Variants in POLD1 observed in about 807,000 individuals in gnomAD.
The protein encoded by POLD1 is DNA polymerase delta catalytic subunit.
In POLD1, 79 loss-of-function variants were observed where a neutral mutation model predicts 129.7. The observed-to-expected ratio is 0.61, with a 90% confidence interval of 0.51 to 0.73. The LOEUF is 0.73. Among genes scored for constraint, POLD1 ranks in the 30% least tolerant of loss-of-function variants. POLD1 has a pLI of 0.00. For missense variants in POLD1, 1,338 were observed against 1,595.8 expected, an observed-to-expected ratio of 0.84 and a Z score of 2.75; for synonymous variants, 714 against 683.3, an observed-to-expected ratio of 1.04 and a Z score of -0.70.
chr19:50,416,331 C>T (rs2039288400), intron 22 of POLD1, 65 bp from the exon 23 acceptor site: 2 of 1,521,372 alleles, frequency 1.3e-6, no homozygotes, highest in Non-Finnish European at 1.8e-6. Flanking sequence ...GGCCCCATGA[C>T]CACCCCGTGT....
Position 50,413,815 on chromosome 19 carries a change from G to C in POLD1, c.2324G>C (p.Gly775Ala), listed in dbSNP as rs2122449363. The C allele has an allele frequency of 3.7e-6, 6 of 1,612,538 alleles. No homozygotes were observed. The highest frequency in any genetic ancestry group is 3.4e-6 in the Non-Finnish European group (4 of 1,179,596). Residue 775 changes from glycine (G) to alanine (A), a missense_variant, in exon 19 of 27, where the codon GGG becomes GCG. By Grantham distance (60) the Gly-to-Ala change is moderately conservative. Transcript: ENST00000440232. ...VSSVAEAMALGREAADWVSGH... is the reference protein window; with the variant it reads ...VSSVAEAMALAREAADWVSGH... ...TCGGTGGCTGAGGCGATGGCCCTGG[G>C]GCGGGAGGCCGCGGACTGGGTGTCA...
chr19:50,385,107 G>C (rs977036402), intron 1 of POLD1, among the ~76,000 whole-genome samples: 2 of 152,210 alleles, frequency 1.3e-5, no homozygotes, highest in African/African-American at 2.4e-5. Flanking sequence ...GGAGCCGTGG[G>C]AGGGTTTGAG....
intron 17 of POLD1, among the ~76,000 whole-genome samples, chr19:50,412,019 T>C (rs1296907163): frequency 6.6e-6 from 1 of 152,222 alleles, no homozygotes; most frequent in Non-Finnish European, 1.5e-5. Flanking sequence ...TGGTAGCTCA[T>C]GCCTGTAGTT....
chr19:50,409,453 C>T lies in POLD1; in HGVS notation c.2007-66C>T, dbSNP rs982644058. The stretch of plus-strand genomic sequence containing the variant: ...GCCCAACCGTACATGGCACTCACTT[C>T]CAGAAAGGAGCCCTGACCAATGCCC... On this transcript the variant is annotated intron_variant, in intron 16 of 26. Transcript: ENST00000440232. This position sits in a 1 kb window ranked among gnomAD's most constrained non-coding sequence, Gnocchi z 5.8. 4 of 1,605,318 alleles carry T rather than the reference C, an allele frequency of 2.5e-6. No homozygotes were observed. The highest frequency in any genetic ancestry group is 1.7e-5 in the Admixed American group (1 of 59,630).
In POLD1 at chr19:50,417,674, C is replaced by G. The variant is rs2445839; in HGVS notation, c.3219-168C>G. Among the ~76,000 whole-genome samples the G allele has an allele frequency of 2.5e-3, 280 of 110,392 alleles. 5 individuals are homozygous for G. The highest frequency in any genetic ancestry group is 0.011 in the African/African-American group (263 of 23,554). 72.4% of individuals were successfully genotyped at this position (110,392 alleles called of 152,430 possible). On this transcript the variant is annotated intron_variant, in intron 26 of 26. Transcript: ENST00000440232. Reference sequence around the variant, plus strand: ...CCAGGCACCCGCTGTTATCGGCTCCCCCCCCCCACCCCCCCCGTGCCTGCT... The same window carrying G: ...CCAGGCACCCGCTGTTATCGGCTCCGCCCCCCCACCCCCCCCGTGCCTGCT...
chr19:50,384,568 G>C (rs1268459869), intron 1 of POLD1, among the ~76,000 whole-genome samples, 178 bp downstream of exon 1: 1 of 151,898 alleles, frequency 6.6e-6, no homozygotes, highest in Non-Finnish European at 1.5e-5. Flanking sequence ...AGCAGGAAAA[G>C]GCCGGGGTGG....
rs2038878765 is a variant in POLD1, at chr19:50,406,313, C to T, written c.1374C>T (p.Asp458=). 1 of 1,613,930 alleles carries T rather than the reference C, an allele frequency of 6.2e-7. No individual in the cohort carries two copies. The highest frequency in any genetic ancestry group is 8.5e-7 in the Non-Finnish European group (1 of 1,179,936). Residue 458 remains aspartate, a synonymous_variant, in exon 11 of 27, where the codon GAC becomes GAT. Transcript: ENST00000440232. The surrounding 1 kb of genome is among the most constrained non-coding windows in gnomAD (Gnocchi z 5.5). ...VVSMVGRVQM[D]MLQVLLREYK... is the part of the protein sequence containing the mutation. ...GCATGGTGGGCCGCGTGCAGATGGACATGCTGCAGGTATGGGCGGGAGGTG... is the reference window on the plus strand; with the variant it reads ...GCATGGTGGGCCGCGTGCAGATGGATATGCTGCAGGTATGGGCGGGAGGTG...
rs370292497 is a variant in POLD1 at position 50,402,089 on chromosome 19, C to A, written c.554C>A (p.Pro185Gln). The change falls in exon 5 of 27, where the codon CCG (proline) becomes CAG (glutamine). Residue 185 changes from proline to glutamine, a missense_variant. Around this residue, in one of 3 missense-constraint regions of POLD1, gnomAD observed 332 missense variants for 315.7 expected, o/e 1.05. Transcript: ENST00000440232. ...DSRGGRELTGPAVLAVELCSR... is the reference protein window; with the variant it reads ...DSRGGRELTGQAVLAVELCSR... ...CGCGGGGGGAGGGAGCTGACTGGGC[C>A]GGCCGTGCTGGCTGTGGAACTGTGC... 1 of 1,613,680 alleles carries A rather than the reference C, an allele frequency of 6.2e-7. No homozygotes were observed. Among genetic ancestry groups the A allele is most frequent in the Admixed American group, 1.7e-5 (1 of 59,956 alleles).
chr19:50,390,344 G>A (rs7253424), intron 1 of POLD1, among the ~76,000 whole-genome samples: 7,947 of 151,884 alleles, frequency 0.052, 702 homozygotes, highest in African/African-American at 0.18. Context: ...GACTCAGGAA[G>A]GTTGCCCCGG....
At position 50,409,162 on chromosome 19, in the gene POLD1, G is replaced by A. The variant is rs1161281976; in HGVS notation, c.1933G>A (p.Glu645Lys). The change falls in exon 16 of 27, where the codon GAG (glutamate) becomes AAG (lysine). Residue 645 changes from glutamate (E) to lysine (K), a missense_variant. Physicochemically the swap from Glu to Lys is moderately conservative, Grantham distance 56. This residue lies in a region of POLD1 where 720 missense variants were observed against 1,002.6 expected (regional missense o/e 0.72). Transcript: ENST00000440232. This position sits in a 1 kb window ranked among gnomAD's most constrained non-coding sequence, Gnocchi z 5.8. ...GTTCATCAGGACCCCCACCGGGGACGAGTTTGTGAAGACCTCAGTGCGGAA... is the reference window on the plus strand; with the variant it reads ...GTTCATCAGGACCCCCACCGGGGACAAGTTTGTGAAGACCTCAGTGCGGAA... The part of the protein sequence containing the change: ...DQFIRTPTGD[E>K]FVKTSVRKGL... 7 of 1,613,810 alleles carry A rather than the reference G, an allele frequency of 4.3e-6. No homozygotes were observed. The highest frequency in any genetic ancestry group is 3.3e-5 in the Admixed American group (2 of 60,022).
At position 50,402,182 on chromosome 19, in the gene POLD1, G is replaced by C. The variant is rs375286897; in HGVS notation, c.590-23G>C. The C allele has an allele frequency of 1.1e-4, 177 of 1,585,228 alleles. No homozygotes were observed. In the East Asian group the frequency reaches 3.1e-3, roughly 28 times the overall value. ...GGTCCCCTCGGGAGGCCATTGGCTG[G>C]TCCCAGCTTCTTCCATCCACAGGCA... On this transcript the variant is annotated intron_variant, in intron 5 of 26. Coordinates refer to ENST00000440232, the MANE Select transcript of POLD1 (RefSeq NM_002691.4).
At chr19:50,397,762 T>C (rs557201087) in intron 1 of POLD1, among the ~76,000 whole-genome samples, 1 of 152,284 alleles carries the variant, frequency 6.6e-6, no homozygotes, top group Non-Finnish European at 1.5e-5. Flanking sequence ...TAGCAGTCTG[T>C]ATGTGTTTTG....
At chr19:50,415,398 A>C in intron 20 of POLD1, 40 bp from the exon 21 acceptor site, 1 of 1,589,098 alleles carries the variant, frequency 6.3e-7, no homozygotes, top group Non-Finnish European at 8.6e-7. Context: ...CCTGGCCCTC[A>C]GTGCCTTTTG....
chr19:50,405,452 G>A (rs1459653980), intron 10 of POLD1, among the ~76,000 whole-genome samples: 1 of 152,172 alleles, frequency 6.6e-6, no homozygotes, highest in Non-Finnish European at 1.5e-5. Context: ...AAACAGGCTG[G>A]GTGTGGTGGC....
intron 3 of POLD1, among the ~76,000 whole-genome samples, chr19:50,400,061 C>T (rs902514979): frequency 7.6e-4 from 115 of 151,042 alleles, no homozygotes; most frequent in African/African-American, 2.5e-3. Context: ...GTGATCCACC[C>T]GCCTTGGCCT....
chr19:50,416,420 A>T lies in POLD1; in HGVS notation c.2845A>T (p.Ser949Cys). Reference protein sequence around the residue: ...SEDPLFVLEHSLPIDTQYYLE... With the variant: ...SEDPLFVLEHCLPIDTQYYLE... Reference sequence around the variant, plus strand: ...GGACCCGCTGTTCGTGCTGGAGCACAGCCTGCCCATTGACACGCAGTACTA... The same window carrying T: ...GGACCCGCTGTTCGTGCTGGAGCACTGCCTGCCCATTGACACGCAGTACTA... The change falls in exon 23 of 27, where the codon AGC (serine) becomes TGC (cysteine). Residue 949 changes from serine to cysteine, a missense_variant. Ser to Cys is a moderately radical substitution (Grantham distance 112, BLOSUM62 -1). Coordinates refer to ENST00000440232, the MANE Select transcript of POLD1 (RefSeq NM_002691.4). The T allele has an allele frequency of 6.5e-7, 1 of 1,549,708 alleles. No individual in the cohort carries two copies. The highest frequency in any genetic ancestry group is 8.7e-7 in the Non-Finnish European group (1 of 1,147,306).
intron 17 of POLD1, among the ~76,000 whole-genome samples, chr19:50,412,433 G>T (rs946681437): frequency 3.3e-5 from 5 of 150,796 alleles, no homozygotes; most frequent in Non-Finnish European, 5.9e-5. Context: ...GATTACTGGT[G>T]TGAGTCACCA....
chr19:50,417,855 A>G lies in POLD1; in HGVS notation c.3232A>G (p.Ile1078Val), dbSNP rs1060501852. 1.9e-6 allele frequency: 3 copies of G among 1,605,244 alleles called. No individual in the cohort carries two copies. The highest frequency in any genetic ancestry group is 1.7e-4 in the Middle Eastern group (1 of 6,058). The change falls in exon 27 of 27, where the codon ATC becomes GTC. Residue 1078 changes from isoleucine (I) to valine (V), a missense_variant. Transcript: ENST00000440232. ...CCCCACCCGCAGCCGGGACTGCCCCATCTTCTACATGCGCAAGAAGGTGCG... is the reference window on the plus strand; with the variant it reads ...CCCCACCCGCAGCCGGGACTGCCCCGTCTTCTACATGCGCAAGAAGGTGCG... ...DVICTSRDCP[I>V]FYMRKKVRKD...
rs924814175 is a variant in POLD1 at position 50,409,855 on chromosome 19, C to T, written c.2154+189C>T. On this transcript the variant is annotated intron_variant, in intron 17 of 26. Coordinates refer to ENST00000440232, the MANE Select transcript of POLD1 (RefSeq NM_002691.4). This position sits in a 1 kb window ranked among gnomAD's most constrained non-coding sequence, Gnocchi z 5.8. ...TCACTCAGCAAATGCCTACTGAGCA[C>T]ACACTGTGGTCAGGGCTCACTCTGT... is the stretch of plus-strand genomic sequence containing the variant. Among the ~76,000 whole-genome samples the T allele has an allele frequency of 2.0e-5, 3 of 152,232 alleles. No individual in the cohort carries two copies. Among genetic ancestry groups the T allele is most frequent in the African/African-American group, 7.2e-5 (3 of 41,468 alleles).
Sources: allele counts gnomAD v4.1 joint callset (sites outside exome capture counted in the v4.1 genomes callset), GRCh38; gene constraint gnomAD v4.1.1; regional missense constraint gnomAD v4.1.1; non-coding constraint Gnocchi (gnomAD v3.1); transcripts MANE v1.5; gene names NCBI Gene and HGNC (gene_info 2026-07-23, HGNC 2026-07-21).